F12: variants seen among roughly 807,000 people sequenced by gnomAD.
F12 encodes the protein Hageman factor.
Under a neutral mutation model 74.8 loss-of-function variants are expected in F12, and 70 were observed. The observed-to-expected ratio is 0.94, with a 90% confidence interval of 0.77 to 1.14. The LOEUF is 1.14. Among genes scored for constraint, F12 ranks in the 50% most tolerant of loss-of-function variants. The pLI is 0.00. For missense variants in F12, 811 were observed against 835.7 expected (o/e 0.97, Z 0.36); for synonymous variants, 373 against 356.4 (o/e 1.05, Z -0.52).
intron 3 of F12, 24 bp downstream of exon 3, chr5:177,405,938 T>C: frequency 1.2e-6 from 2 of 1,610,480 alleles, no homozygotes; most frequent in Non-Finnish European, 1.7e-6. Context: ...AGGCCCCTGC[T>C]CCAACTCCTC....
Position 177,404,908 on chromosome 5 carries a change from C to A in F12, c.536G>T (p.Arg179Leu), listed in dbSNP as rs1477816023. ...ACCCCCATGGAGGCACGGGTTGGTG[C>A]GGCAGGCTTGGGGAGGGAACGCAGT... Reference protein sequence around the residue: ...HCQRLASQACRTNPCLHGGRC... With the variant: ...HCQRLASQACLTNPCLHGGRC... Residue 179 changes from arginine to leucine, a missense_variant, in exon 7 of 14, where the codon CGC becomes CTC. By Grantham distance (102) the Arg-to-Leu change is moderately radical. Coordinates refer to ENST00000253496, the MANE Select transcript of F12 (RefSeq NM_000505.4). 6.2e-7 allele frequency: 1 copy of A among 1,603,200 alleles called. No homozygotes were observed. Among genetic ancestry groups the A allele is most frequent in the Non-Finnish European group, 8.5e-7 (1 of 1,177,090 alleles).
In F12 at chr5:177,404,345, C is replaced by T; in HGVS notation, c.869G>A (p.Cys290Tyr). 1 of 1,611,204 alleles carries T rather than the reference C, an allele frequency of 6.2e-7. No homozygotes were observed. The highest frequency in any genetic ancestry group is 2.2e-5 in the East Asian group (1 of 44,846). Residue 290 changes from cysteine to tyrosine, a missense_variant, in exon 9 of 14, where the codon TGC (cysteine) becomes TAC (tyrosine). By Grantham distance (194) the Cys-to-Tyr change is radical. Coordinates refer to ENST00000253496, the MANE Select transcript of F12 (RefSeq NM_000505.4). ...TGGGGTCTGGCACTGTGCCAGGTCG[C>T]AGTACTCCCAGCTCAGCCGGTCGCG... The part of the protein sequence containing the change: ...LNRDRLSWEY[C>Y]DLAQCQTPTQ...
At chr5:177,402,516 T>C in intron 13 of F12, 34 bp downstream of exon 13, 1 of 1,603,482 alleles carries the variant, frequency 6.2e-7, no homozygotes. Flanking sequence ...CCTGACGGCC[T>C]CGGGGAAGGG....
chr5:177,406,227 G>A (rs1351313867), intron 2 of F12, among the ~76,000 whole-genome samples, 166 bp from the exon 3 acceptor site: 3 of 152,214 alleles, frequency 2.0e-5, no homozygotes, highest in Non-Finnish European at 4.4e-5. Flanking sequence ...GGTGGCTCAA[G>A]CCTGTAATCC....
At chr5:177,405,869 G>A in intron 3 of F12, 64 bp from the exon 4 acceptor site, 2 of 1,602,596 alleles carry the variant, frequency 1.2e-6, no homozygotes, top group Non-Finnish European at 8.5e-7. Context: ...CCCTATCACA[G>A]TCCCCTCTCT....
At chr5:177,404,989 C>T (rs1468100083) in intron 6 of F12, 65 bp downstream of exon 6, 1 of 1,593,832 alleles carries the variant, frequency 6.3e-7, no homozygotes, top group African/African-American at 1.3e-5. Context: ...TGGCACACCA[C>T]CCGGCCTCCT....
chr5:177,402,414 G>A lies in F12; in HGVS notation c.1726C>T (p.Arg576Cys), dbSNP rs369462506. 2.2e-5 allele frequency: 35 copies of A among 1,612,522 alleles called. No individual in the cohort carries two copies. The African/African-American group carries it at 4.4e-4, about 20-fold the overall frequency. The change falls in exon 14 of 14, where the codon CGC becomes TGC. Residue 576 changes from arginine (R) to cysteine (C), a missense_variant. Arg to Cys is a radical substitution (Grantham distance 180, BLOSUM62 -3). Coordinates refer to ENST00000253496, the MANE Select transcript of F12 (RefSeq NM_000505.4). The stretch of plus-strand genomic sequence containing the variant: ...ATGATGCCTTGCAGGGTGAGCCGGC[G>A]CTCTGCAGCTTGGTCCTCACACACC... ...PLVCEDQAAE[R>C]RLTLQGIISW... is the part of the protein sequence containing the mutation.
intron 2 of F12, among the ~76,000 whole-genome samples, chr5:177,406,274 G>A (rs1342343670): frequency 6.6e-6 from 1 of 152,138 alleles, no homozygotes; most frequent in Non-Finnish European, 1.5e-5. Flanking sequence ...AGATCACGAG[G>A]TCAGGAGATC....
At chr5:177,402,524 G>A (rs372893680) in intron 13 of F12, 26 bp downstream of exon 13, 8 of 1,605,176 alleles carry the variant, frequency 5.0e-6, no homozygotes, top group African/African-American at 4.0e-5. Context: ...CCTCGGGGAA[G>A]GGCGCCAACC....
At chr5:177,408,488 A>G (rs1249772337) in intron 2 of F12, among the ~76,000 whole-genome samples, 1 of 152,262 alleles carries the variant, frequency 6.6e-6, no homozygotes, top group African/African-American at 2.4e-5. Flanking sequence ...AAGCATTTCC[A>G]TGCACCAGGT....
At chr5:177,409,362 C>T in intron 1 of F12, 109 bp downstream of exon 1, 7 of 1,337,510 alleles carry the variant, frequency 5.2e-6, no homozygotes, top group Non-Finnish European at 7.4e-6. Context: ...TCCACATAGG[C>T]CTCCTAGTCA....
intron 2 of F12, among the ~76,000 whole-genome samples, chr5:177,406,521 C>T (rs1320829443): frequency 6.6e-6 from 1 of 152,024 alleles, no homozygotes; most frequent in Non-Finnish European, 1.5e-5. Flanking sequence ...GTTCAGGAGT[C>T]AGATAGCTGG....
intron 2 of F12, 40 bp from the exon 3 acceptor site, chr5:177,406,101 T>C: frequency 6.4e-7 from 1 of 1,550,612 alleles, no homozygotes; most frequent in Non-Finnish European, 8.9e-7. Flanking sequence ...TCCCCTGTAC[T>C]CAACTGCTCA....
Position 177,409,063 on chromosome 5 carries a change from G to A in F12, c.98C>T (p.Ala33Val). 6.4e-7 allele frequency: 1 copy of A among 1,551,634 alleles called. No individual in the cohort carries two copies. Among genetic ancestry groups the A allele is most frequent in the Non-Finnish European group, 8.7e-7 (1 of 1,147,056 alleles). Residue 33 changes from alanine to valine, a missense_variant, in exon 2 of 14, where the codon GCT (alanine) becomes GTT (valine). Ala to Val is a moderately conservative substitution (Grantham distance 64, BLOSUM62 0). Coordinates refer to ENST00000253496, the MANE Select transcript of F12 (RefSeq NM_000505.4). ...CCACTTACCGACTGTGTGCTCTTCA[G>A]CTTTGTACTTATGCTCCTTGGGGGC... The part of the protein sequence containing the change: ...WEAPKEHKYK[A>V]EEHTVVLTVT...
Position 177,402,275 on chromosome 5 carries a change from G to A in F12, c.*17C>T. The A allele has an allele frequency of 6.2e-7, 1 of 1,613,292 alleles. No homozygotes were observed. Among genetic ancestry groups the A allele is most frequent in the Non-Finnish European group, 8.5e-7 (1 of 1,179,794 alleles). On this transcript the variant is annotated 3_prime_UTR_variant, in exon 14 of 14. Transcript: ENST00000253496. ...ACTGCGGAATCACCAAGGAGGGAAA[G>A]ATGAGTCCCTGAGCAATCAGGAAAC...
At chr5:177,402,789 A>G in intron 12 of F12, 91 bp from the exon 13 acceptor site, 1 of 1,542,054 alleles carries the variant, frequency 6.5e-7, no homozygotes, top group Admixed American at 1.9e-5. Flanking sequence ...TTGTAAACCC[A>G]CTCATGCCCT....
chr5:177,402,336 C>T lies in F12; in HGVS notation c.1804G>A (p.Val602Met). 2 of 1,613,898 alleles carry T rather than the reference C, an allele frequency of 1.2e-6. No individual in the cohort carries two copies. The highest frequency in any genetic ancestry group is 1.6e-4 in the Middle Eastern group (1 of 6,062). Reference protein sequence around the residue: ...DRNKPGVYTDVAYYLAWIREH... With the variant: ...DRNKPGVYTDMAYYLAWIREH... ...CGGATCCAGGCCAGGTAGTAGGCCA[C>T]ATCGGTGTAGACGCCTGGCTTGTTG... Residue 602 changes from valine (V) to methionine (M), a missense_variant, in exon 14 of 14, where the codon GTG (valine) becomes ATG (methionine). Physicochemically the swap from Val to Met is conservative, Grantham distance 21 (BLOSUM62 1). Coordinates refer to ENST00000253496, the MANE Select transcript of F12 (RefSeq NM_000505.4).
rs760670764 is a variant in F12 at position 177,404,314 on chromosome 5, C to T, written c.900G>A (p.Gln300=). The T allele has an allele frequency of 5.6e-6, 9 of 1,602,700 alleles. No individual in the cohort carries two copies. The African/African-American group carries it at 1.1e-4, about 19-fold the overall frequency. ...GGGACACCGGGGTCGGAGGCGCCGC[C>T]TGGGTTGGGGTCTGGCACTGTGCCA... The part of the protein sequence containing the change: ...CDLAQCQTPT[Q]AAPPTPVSPR... Residue 300 remains glutamine, a synonymous_variant, in exon 9 of 14, where the codon CAG becomes CAA. Transcript: ENST00000253496.
chr5:177,408,732 A>T (rs1015254506), intron 2 of F12, among the ~76,000 whole-genome samples: 1 of 152,240 alleles, frequency 6.6e-6, no homozygotes, highest in African/African-American at 2.4e-5. Context: ...GGCATGAATG[A>T]TGCCCATGAG....
Sources: allele counts gnomAD v4.1 joint callset (sites outside exome capture counted in the v4.1 genomes callset), GRCh38; gene constraint gnomAD v4.1.1; transcripts MANE v1.5; gene names NCBI Gene and HGNC (gene_info 2026-07-23, HGNC 2026-07-21).